The following PCNX1 variants were observed in gnomAD, a reference collection of about 807,000 sequenced individuals.
The protein encoded by PCNX1 is pecanex 1.
Under a neutral mutation model 242.2 loss-of-function variants are expected in PCNX1, and 78 were observed. That is an observed-to-expected ratio of 0.32 (90% confidence interval 0.27 to 0.39). The LOEUF (loss-of-function observed/expected upper bound fraction) is 0.39. Ranked by LOEUF, PCNX1 falls within the 10% of genes least tolerant of loss-of-function variation. PCNX1 has a pLI of 1.00. For missense variants in PCNX1, 2,581 were observed against 2,856.5 expected (o/e 0.90, Z 2.20); for synonymous variants, 1,024 against 1,032.9 (o/e 0.99, Z 0.17).
At chr14:71,006,280 G>A (rs77174477) in intron 8 of PCNX1, among the ~76,000 whole-genome samples, 1,780 of 152,040 alleles carry the variant, frequency 0.012, 32 homozygotes, top group African/African-American at 0.041. Context: ...GAGCTACTGC[G>A]CCTGGCATAT....
intron 3 of PCNX1, among the ~76,000 whole-genome samples, chr14:70,967,290 A>C (rs2058409198): frequency 6.6e-6 from 1 of 152,224 alleles, no homozygotes; most frequent in Non-Finnish European, 1.5e-5. Context: ...ACCAATGAAG[A>C]GGAAGATGTG....
intron 23 of PCNX1, among the ~76,000 whole-genome samples, chr14:71,051,300 G>A (rs1418818801): frequency 6.6e-6 from 1 of 150,460 alleles, no homozygotes; most frequent in African/African-American, 2.4e-5. Context: ...TACAGGTTTT[G>A]TAAGAAAGTA....
intron 18 of PCNX1, among the ~76,000 whole-genome samples, chr14:71,035,211 G>A (rs1355660073): frequency 2.6e-5 from 4 of 151,958 alleles, no homozygotes; most frequent in African/African-American, 9.7e-5. Context: ...AACATAGTGA[G>A]ACCCTGTCTC....
chr14:70,919,659 C>T (rs551036519), intron 1 of PCNX1, among the ~76,000 whole-genome samples: 30 of 120,866 alleles, frequency 2.5e-4, no homozygotes, highest in South Asian at 1.1e-3. Context: ...TTACTAAATA[C>T]TATAGATGAA....
At chr14:71,000,735 A>G (rs957450620) in intron 8 of PCNX1, among the ~76,000 whole-genome samples, 1 of 152,148 alleles carries the variant, frequency 6.6e-6, no homozygotes, top group African/African-American at 2.4e-5. Context: ...CATGTTGGCC[A>G]GGCTGGTCTC....
chr14:70,957,346 A>C (rs1005054793), intron 2 of PCNX1, among the ~76,000 whole-genome samples: 5 of 152,186 alleles, frequency 3.3e-5, no homozygotes, highest in African/African-American at 9.7e-5. Flanking sequence ...TGGACTTGCT[A>C]TCAAAAGTGA....
At chr14:70,968,105 A>G (rs901578680) in intron 3 of PCNX1, 93 bp from the exon 4 acceptor site, 12 of 863,652 alleles carry the variant, frequency 1.4e-5, no homozygotes, top group Non-Finnish European at 1.6e-5. Context: ...TGTTTTGATC[A>G]TATAATTTTG....
At chr14:71,106,302 G>A (rs1486800635) in intron 33 of PCNX1, among the ~76,000 whole-genome samples, 1 of 152,194 alleles carries the variant, frequency 6.6e-6, no homozygotes, top group Non-Finnish European at 1.5e-5. Flanking sequence ...ACAGGCGTGA[G>A]CCACCACGCC....
In PCNX1 at chr14:70,926,813, G is replaced by A. The variant is rs530326770; in HGVS notation, c.153+18810G>A. On this transcript the variant is annotated intron_variant, in intron 1 of 35. Transcript: ENST00000304743. ...ACAGATGTACATGCAGCACAAACAA[G>A]TGTGCAGTGTATCTGGTATTAAAAT... Among the ~76,000 whole-genome samples the A allele has an allele frequency of 7.9e-5, 12 of 152,294 alleles. No homozygotes were observed. In the East Asian group the frequency reaches 2.1e-3, roughly 27 times the overall value.
intron 30 of PCNX1, among the ~76,000 whole-genome samples, chr14:71,099,324 A>C (rs1040385300): frequency 1.3e-5 from 2 of 151,872 alleles, no homozygotes; most frequent in African/African-American, 4.8e-5. Flanking sequence ...ACGTCTGGCT[A>C]ATTTTTTGTA....
intron 30 of PCNX1, among the ~76,000 whole-genome samples, chr14:71,092,105 GT>G (rs2062149859): frequency 6.6e-6 from 1 of 152,222 alleles, no homozygotes. Flanking sequence ...GAAAGGTTGA[GT>G]TGCTTGATAT....
intron 1 of PCNX1, among the ~76,000 whole-genome samples, chr14:70,938,947 T>G (rs915466314): frequency 3.9e-5 from 6 of 152,196 alleles, no homozygotes; most frequent in Admixed American, 2.6e-4. Context: ...CTGATGGTAG[T>G]TTGTATTTCT....
chr14:71,037,713 G>GA (rs1566732173), intron 19 of PCNX1, among the ~76,000 whole-genome samples: 1 of 151,918 alleles, frequency 6.6e-6, no homozygotes, highest in South Asian at 2.1e-4. Context: ...GAGGATTTTT[G>GA]AAAAAACTAC....
At chr14:70,928,492 A>G (rs546156645) in intron 1 of PCNX1, among the ~76,000 whole-genome samples, 5 of 152,334 alleles carry the variant, frequency 3.3e-5, no homozygotes, top group Admixed American at 2.0e-4. Context: ...GTGTTTATCA[A>G]TTTACTGTGG....
rs917317621 is a variant in PCNX1 at position 71,062,546 on chromosome 14, AAAT to A, written c.4852+4824_4852+4826del. On this transcript the variant is annotated intron_variant, in intron 26 of 35. Transcript: ENST00000304743. ...CTTACAGAATAAGGATATAAGGAAAAAATATTTTTATGCAGCTATACAATATGT... is the reference window on the plus strand; with the variant it reads ...CTTACAGAATAAGGATATAAGGAAAAATTTTTATGCAGCTATACAATATGT... Among the ~76,000 whole-genome samples, 25 of 152,192 alleles carry A rather than the reference AAAT, an allele frequency of 1.6e-4. 3 individuals are homozygous for A. Among genetic ancestry groups the A allele is most frequent in the African/African-American group, 5.5e-4 (23 of 41,578 alleles).
At chr14:71,062,176 A>C (rs1200255406) in intron 26 of PCNX1, among the ~76,000 whole-genome samples, 1 of 152,194 alleles carries the variant, frequency 6.6e-6, no homozygotes, top group Admixed American at 6.6e-5. Context: ...TACCTCCTCA[A>C]GAAGAGCCTC....
At chr14:70,982,249 C>T (rs1347688106) in intron 6 of PCNX1, among the ~76,000 whole-genome samples, 1 of 152,096 alleles carries the variant, frequency 6.6e-6, no homozygotes, top group African/African-American at 2.4e-5. Flanking sequence ...ACTCTCAAGT[C>T]TAATAAACTT....
chr14:71,104,887 C>T (rs1289963074), intron 32 of PCNX1, among the ~76,000 whole-genome samples: 1 of 151,976 alleles, frequency 6.6e-6, no homozygotes, highest in Admixed American at 6.6e-5. Context: ...GATTGTGCCA[C>T]TGCACTCCAG....
At position 71,009,752 on chromosome 14, in the gene PCNX1, G is replaced by A. The variant is rs370641148; in HGVS notation, c.2720+28G>A. 2.2e-5 allele frequency: 28 copies of A among 1,291,748 alleles called. No homozygotes were observed. In the African/African-American group the frequency reaches 3.8e-4, roughly 17 times the overall value. The allele number at this position is 1,291,748 out of a possible 1,614,324, so 80.0% of individuals were successfully genotyped here. ...ATGTGTGAAGTCATATTAGGAGTGT[G>A]TGTACTTTCATATGTTTGCCATATT... On this transcript the variant is annotated intron_variant, in intron 9 of 35. Coordinates refer to ENST00000304743, the MANE Select transcript of PCNX1 (RefSeq NM_014982.3).
Sources: allele counts gnomAD v4.1 joint callset (sites outside exome capture counted in the v4.1 genomes callset), GRCh38; gene constraint gnomAD v4.1.1; transcripts MANE v1.5; gene names NCBI Gene and HGNC (gene_info 2026-07-23, HGNC 2026-07-21).